Variants in RAD51B observed in about 807,000 individuals in gnomAD.
RAD51B encodes RAD51 paralog B.
Under a neutral mutation model 42.2 loss-of-function variants are expected in RAD51B, and 38 were observed. The ratio of observed to expected loss-of-function variants is 0.90; its 90% CI spans 0.70 to 1.18. RAD51B has a LOEUF of 1.18. RAD51B is among the 50% of genes most tolerant of loss of function. RAD51B has a pLI of 0.00. For synonymous variants in RAD51B, 154 were observed against 145.2 expected (o/e 1.06, Z -0.43); for missense variants, 373 against 400.7 (o/e 0.93, Z 0.59).
At chr14:68,508,657 C>T (rs2842346) in intron 10 of RAD51B, among the ~76,000 whole-genome samples, 26,305 of 152,088 alleles carry the variant, frequency 0.17, 2,907 homozygotes, top group Non-Finnish European at 0.24. Context: ...AAATGGTTCC[C>T]GTGGGGAGAA....
At chr14:67,920,466 T>C (rs1243543200) in intron 7 of RAD51B, among the ~76,000 whole-genome samples, 2 of 152,232 alleles carry the variant, frequency 1.3e-5, no homozygotes, top group African/African-American at 4.8e-5. Flanking sequence ...ATTTCTCTTA[T>C]ATAAATATGG....
At chr14:68,028,436 C>T (rs1007069924) in intron 7 of RAD51B, among the ~76,000 whole-genome samples, 11 of 152,160 alleles carry the variant, frequency 7.2e-5, no homozygotes, top group Non-Finnish European at 1.5e-4. Flanking sequence ...GCTTTTATGC[C>T]AACCCAGAAA....
intron 7 of RAD51B, among the ~76,000 whole-genome samples, chr14:68,036,713 T>A (rs2076128623): frequency 6.6e-6 from 1 of 152,204 alleles, no homozygotes; most frequent in Admixed American, 6.5e-5. Flanking sequence ...TTTGGGGAGA[T>A]GACTGCAAAG....
chr14:68,617,688 C>T (rs1472956027), intron 10 of RAD51B, among the ~76,000 whole-genome samples: 3 of 152,204 alleles, frequency 2.0e-5, no homozygotes, highest in Non-Finnish European at 2.9e-5. Flanking sequence ...AATGTGCCTC[C>T]AATCAGAAAC....
intron 7 of RAD51B, among the ~76,000 whole-genome samples, chr14:68,158,055 T>TA (rs1227258351): frequency 6.6e-6 from 1 of 152,178 alleles, no homozygotes; most frequent in Non-Finnish European, 1.5e-5. Flanking sequence ...AAATGAATAA[T>TA]AGGCCACATT....
intron 7 of RAD51B, among the ~76,000 whole-genome samples, chr14:68,023,265 G>A (rs900902206): frequency 2.0e-5 from 3 of 152,150 alleles, no homozygotes; most frequent in African/African-American, 7.2e-5. Context: ...CTAATTTGCA[G>A]TCCCACCAGT....
chr14:68,526,421 C>T (rs528423501), intron 10 of RAD51B, among the ~76,000 whole-genome samples: 12 of 152,342 alleles, frequency 7.9e-5, no homozygotes, highest in African/African-American at 2.4e-4. Context: ...TTTCTCAGAA[C>T]GTGTCGTTAA....
chr14:67,926,252 C>T (rs773913747), intron 7 of RAD51B, among the ~76,000 whole-genome samples: 3 of 152,172 alleles, frequency 2.0e-5, no homozygotes, highest in Non-Finnish European at 4.4e-5. Context: ...TTAACAGCAC[C>T]CAAGTCACCT....
chr14:67,891,685 CCA>C (rs2043224230), intron 7 of RAD51B, among the ~76,000 whole-genome samples: 1 of 151,420 alleles, frequency 6.6e-6, no homozygotes, highest in African/African-American at 2.4e-5. Flanking sequence ...ATGAGCTGTT[CCA>C]TTATGCCAAG....
At chr14:68,127,895 C>A (rs1401015280) in intron 7 of RAD51B, among the ~76,000 whole-genome samples, 1 of 152,076 alleles carries the variant, frequency 6.6e-6, no homozygotes, top group African/African-American at 2.4e-5. Context: ...TAGTTTGTGT[C>A]CCCTAGGAAT....
intron 7 of RAD51B, among the ~76,000 whole-genome samples, chr14:67,916,579 A>G (rs540543297): frequency 6.6e-6 from 1 of 151,986 alleles, no homozygotes; most frequent in South Asian, 2.1e-4. Flanking sequence ...ATAAGAACCC[A>G]CCTCAAAGCT....
At chr14:68,452,167 G>A (rs2085572414) in intron 9 of RAD51B, among the ~76,000 whole-genome samples, 1 of 152,166 alleles carries the variant, frequency 6.6e-6, no homozygotes, top group Non-Finnish European at 1.5e-5. Flanking sequence ...GCTGGACAGA[G>A]CTCTTGTGCA....
chr14:67,874,107 TA>T (rs1021294440), intron 5 of RAD51B, among the ~76,000 whole-genome samples: 6 of 150,342 alleles, frequency 4.0e-5, no homozygotes, highest in Admixed American at 2.0e-4. Context: ...ATTAATTAAT[TA>T]AAAAAATGTA....
At chr14:68,283,811 C>T (rs771481879) in intron 7 of RAD51B, among the ~76,000 whole-genome samples, 1 of 152,216 alleles carries the variant, frequency 6.6e-6, no homozygotes, top group Non-Finnish European at 1.5e-5. Context: ...TCCACTGCAT[C>T]CCCTTGCATG....
At chr14:67,931,157 G>A (rs1277436742) in intron 7 of RAD51B, among the ~76,000 whole-genome samples, 9 of 152,074 alleles carry the variant, frequency 5.9e-5, no homozygotes, top group African/African-American at 1.2e-4. Context: ...GCCTGACCTC[G>A]TGATCCGCCT....
At chr14:68,339,901 G>T (rs2082536604) in intron 8 of RAD51B, among the ~76,000 whole-genome samples, 1 of 152,128 alleles carries the variant, frequency 6.6e-6, no homozygotes. Flanking sequence ...TCACAATAAA[G>T]AATGTTTAAA....
intron 10 of RAD51B, among the ~76,000 whole-genome samples, chr14:68,605,331 C>T (rs1196987385): frequency 2.0e-5 from 3 of 152,158 alleles, no homozygotes; most frequent in Non-Finnish European, 2.9e-5. Context: ...CTCAGCAAGG[C>T]CATTTTTACT....
chr14:68,385,210 C>T (rs187601577), intron 8 of RAD51B, among the ~76,000 whole-genome samples: 14 of 152,242 alleles, frequency 9.2e-5, no homozygotes, highest in South Asian at 2.1e-4. Context: ...TTCTCTGCAT[C>T]GACAGCATGC....
chr14:68,560,269 G>GA (rs1249898561), intron 10 of RAD51B, among the ~76,000 whole-genome samples: 1 of 151,872 alleles, frequency 6.6e-6, no homozygotes, highest in African/African-American at 2.4e-5. Flanking sequence ...TGGAGAGGCG[G>GA]AAAAAAAATT....
Sources: gnomAD v4.1 joint callset for allele counts (sites outside exome capture counted in the v4.1 genomes callset) on GRCh38, gnomAD v4.1.1 for gene constraint, MANE v1.5 for transcripts, NCBI Gene and HGNC (gene_info 2026-07-23, HGNC 2026-07-21) for gene names.